Variants in SLC25A21 observed in about 807,000 individuals in gnomAD.
SLC25A21 encodes mitochondrial 2-oxodicarboxylate carrier.
A neutral mutation model predicts 43.8 loss-of-function variants in SLC25A21; 47 were observed. That is an observed-to-expected ratio of 1.07 (90% CI 0.85 to 1.37). The LOEUF (loss-of-function observed/expected upper bound fraction) is 1.37. SLC25A21 is among the 40% of genes most tolerant of loss of function. The pLI, the probability that SLC25A21 is intolerant of heterozygous loss-of-function variation, is 0.00. For missense variants in SLC25A21, 352 were observed against 350.2 expected (o/e 1.00, Z -0.04); for synonymous variants, 131 against 121.3 (o/e 1.08, Z -0.52).
chr14:37,038,427 CCTT>C (rs1961375420), intron 1 of SLC25A21, among the ~76,000 whole-genome samples: 1 of 152,158 alleles, frequency 6.6e-6, no homozygotes, highest in Non-Finnish European at 1.5e-5. Context: ...TTATTATTTG[CCTT>C]CTTAATTTCT....
intron 6 of SLC25A21, among the ~76,000 whole-genome samples, chr14:36,721,643 A>G (rs186610858): frequency 1.3e-5 from 2 of 152,320 alleles, no homozygotes; most frequent in Non-Finnish European, 2.9e-5. Context: ...AAACTCTGTT[A>G]GAAATTACAG....
intron 2 of SLC25A21, among the ~76,000 whole-genome samples, chr14:36,867,527 C>G (rs1890246372): frequency 2.6e-5 from 4 of 152,150 alleles, no homozygotes; most frequent in African/African-American, 9.7e-5. Flanking sequence ...ACGAGGCCAG[C>G]AGGAACACAG....
intron 3 of SLC25A21, among the ~76,000 whole-genome samples, chr14:36,742,699 C>T (rs1439877309): frequency 1.3e-5 from 2 of 152,150 alleles, no homozygotes; most frequent in East Asian, 3.9e-4. Context: ...CAAGGAAGTG[C>T]ACATAAGCTT....
chr14:37,115,226 C>G (rs1278189451), intron 1 of SLC25A21, among the ~76,000 whole-genome samples: 2 of 152,142 alleles, frequency 1.3e-5, no homozygotes, highest in Non-Finnish European at 2.9e-5. Context: ...TAATGAAGAC[C>G]AGGCCCAGGA....
chr14:37,071,839 A>G (rs1262668341), intron 1 of SLC25A21, among the ~76,000 whole-genome samples: 5 of 152,094 alleles, frequency 3.3e-5, no homozygotes, highest in African/African-American at 1.2e-4. Context: ...AAATGCTACT[A>G]ATTAGTTGGA....
intron 1 of SLC25A21, among the ~76,000 whole-genome samples, chr14:37,039,509 A>G (rs557190357): frequency 2.6e-5 from 4 of 152,204 alleles, no homozygotes; most frequent in Non-Finnish European, 5.9e-5. Flanking sequence ...CATAAGTGGA[A>G]TAATACAGTA....
chr14:37,143,519 T>C (rs1469251747), intron 1 of SLC25A21, among the ~76,000 whole-genome samples: 2 of 152,150 alleles, frequency 1.3e-5, no homozygotes, highest in Non-Finnish European at 2.9e-5. Context: ...AATAATAATG[T>C]CAGCGTGTAA....
intron 1 of SLC25A21, among the ~76,000 whole-genome samples, chr14:36,961,944 G>T (rs1165483880): frequency 6.6e-6 from 1 of 152,020 alleles, no homozygotes; most frequent in Non-Finnish European, 1.5e-5. Flanking sequence ...GATAGAAGAA[G>T]AAATAGAGCC....
At chr14:36,834,345 A>C (rs1172764497) in intron 2 of SLC25A21, among the ~76,000 whole-genome samples, 2 of 152,326 alleles carry the variant, frequency 1.3e-5, no homozygotes, top group East Asian at 3.9e-4. Flanking sequence ...GTAGAAATAA[A>C]AAGGCTTTGG....
intron 2 of SLC25A21, 28 bp downstream of exon 2, chr14:36,874,928 A>C: frequency 6.2e-7 from 1 of 1,601,254 alleles, no homozygotes; most frequent in African/African-American, 1.3e-5. Context: ...AGCCAAAGTC[A>C]ATAAAACTTG....
chr14:36,904,195 C>G (rs536645287), intron 1 of SLC25A21, among the ~76,000 whole-genome samples: 1 of 152,246 alleles, frequency 6.6e-6, no homozygotes, highest in African/African-American at 2.4e-5. Flanking sequence ...GAAATCCCGA[C>G]CCAGATTCAA....
At chr14:36,940,354 T>A (rs530032199) in intron 1 of SLC25A21, among the ~76,000 whole-genome samples, 37 of 152,198 alleles carry the variant, frequency 2.4e-4, no homozygotes, top group African/African-American at 8.7e-4. Flanking sequence ...TAAAAAAATA[T>A]ACTACTCTGA....
At chr14:36,873,972 T>C (rs1483248579) in intron 2 of SLC25A21, among the ~76,000 whole-genome samples, 2 of 152,292 alleles carry the variant, frequency 1.3e-5, no homozygotes, top group East Asian at 1.9e-4. Context: ...CCACCCAGTC[T>C]ATAATATTTT....
chr14:36,767,444 G>A (rs991733628), intron 3 of SLC25A21, among the ~76,000 whole-genome samples: 1 of 152,170 alleles, frequency 6.6e-6, no homozygotes, highest in Non-Finnish European at 1.5e-5. Context: ...CTCTTAGAGT[G>A]GAAAATAAAC....
intron 3 of SLC25A21, among the ~76,000 whole-genome samples, chr14:36,802,150 T>G (rs1443667531): frequency 2.0e-5 from 3 of 152,334 alleles, no homozygotes; most frequent in South Asian, 2.1e-4. Context: ...AATGATACCA[T>G]GGGTGTCGTA....
At chr14:36,813,809 C>G (rs1473978265) in intron 3 of SLC25A21, 109 bp downstream of exon 3, 1 of 724,518 alleles carries the variant, frequency 1.4e-6, no homozygotes, top group East Asian at 2.8e-5. Context: ...TAGAAAGGTA[C>G]CCTTTTAAGT....
At chr14:37,007,834 G>T (rs564730918) in intron 1 of SLC25A21, among the ~76,000 whole-genome samples, 1 of 152,072 alleles carries the variant, frequency 6.6e-6, no homozygotes, top group African/African-American at 2.4e-5. Flanking sequence ...CCCATTTCAA[G>T]GATTCTGCAT....
chr14:36,949,767 T>C (rs1892761412), intron 1 of SLC25A21, among the ~76,000 whole-genome samples: 1 of 152,172 alleles, frequency 6.6e-6, no homozygotes, highest in Non-Finnish European at 1.5e-5. Flanking sequence ...GGACAGTAAA[T>C]GGAAAACAGA....
chr14:37,169,480 C>T lies in SLC25A21; in HGVS notation c.70+2801G>A, dbSNP rs148476442. ...AATGCATCCCAGACCTTGAATTCCA[C>T]GAGATACCCTGGTATCTCTCCAATA... On this transcript the variant is annotated intron_variant, in intron 1 of 9. Coordinates refer to ENST00000331299, the MANE Select transcript of SLC25A21 (RefSeq NM_030631.4). Among the ~76,000 whole-genome samples, 814 of 151,950 alleles carry T rather than the reference C, an allele frequency of 5.4e-3. 8 individuals carry two copies. The highest frequency in any genetic ancestry group is 0.018 in the African/African-American group (735 of 41,456).
Sources: gnomAD v4.1 joint callset for allele counts (sites outside exome capture counted in the v4.1 genomes callset) on GRCh38, gnomAD v4.1.1 for gene constraint, MANE v1.5 for transcripts, NCBI Gene and HGNC (gene_info 2026-07-23, HGNC 2026-07-21) for gene names.